OSBPL1A: variants seen among roughly 807,000 people sequenced by gnomAD.
OSBPL1A encodes the protein oxysterol-binding protein-related protein 1.
In OSBPL1A, 80 loss-of-function variants were observed where a neutral mutation model predicts 137.1. That is an observed-to-expected ratio of 0.58 (90% CI 0.49 to 0.70). The LOEUF is 0.70. Ranked by LOEUF, OSBPL1A falls within the 30% of genes least tolerant of loss-of-function variation. The pLI, the probability that OSBPL1A is intolerant of heterozygous loss-of-function variation, is 0.00. For synonymous variants in OSBPL1A, 365 were observed against 389.7 expected, an observed-to-expected ratio of 0.94 and a Z score of 0.75; for missense variants, 970 against 1,129.4, an observed-to-expected ratio of 0.86 and a Z score of 2.02.
Position 24,346,242 on chromosome 18 carries a change from A to C in OSBPL1A, c.283-4584T>G, listed in dbSNP as rs142485111. Among the ~76,000 whole-genome samples the C allele has an allele frequency of 1.0e-3, 157 of 152,204 alleles. 1 individual carries two copies. In the East Asian group the frequency reaches 0.019, roughly 18 times the overall value. Reference sequence around the variant, plus strand: ...CATTATATTGCTGTCACCATCACACAAGTCATCTCAGATGAAATGCTTAGA... The same window carrying C: ...CATTATATTGCTGTCACCATCACACCAGTCATCTCAGATGAAATGCTTAGA... On this transcript the variant is annotated intron_variant, in intron 4 of 27. Transcript: ENST00000319481.
At chr18:24,293,675 G>A (rs529501308) in intron 14 of OSBPL1A, among the ~76,000 whole-genome samples, 3 of 152,312 alleles carry the variant, frequency 2.0e-5, no homozygotes, top group Admixed American at 2.0e-4. Flanking sequence ...GCAGGCGTAG[G>A]CCAGGCCAAT....
chr18:24,245,097 AT>A (rs879776193), intron 15 of OSBPL1A, among the ~76,000 whole-genome samples: 188 of 147,900 alleles, frequency 1.3e-3, no homozygotes, highest in African/African-American at 3.8e-3. Context: ...AAATATTAGA[AT>A]TTTTTTTTTT....
At chr18:24,347,454 G>A (rs1019280558) in intron 4 of OSBPL1A, among the ~76,000 whole-genome samples, 20 of 152,136 alleles carry the variant, frequency 1.3e-4, no homozygotes, top group Admixed American at 1.2e-3. Context: ...CAAAGTGCTG[G>A]AACTACAGGC....
At chr18:24,208,632 A>C (rs2087440013) in intron 17 of OSBPL1A, among the ~76,000 whole-genome samples, 1 of 152,242 alleles carries the variant, frequency 6.6e-6, no homozygotes, top group Non-Finnish European at 1.5e-5. Flanking sequence ...TACTTAATTA[A>C]ACTCTTATTA....
rs2931558 is a variant in OSBPL1A, at chr18:24,253,547, G to A, written c.1282-14165C>T. Among the ~76,000 whole-genome samples, 658 of 152,298 alleles carry A rather than the reference G, an allele frequency of 4.3e-3. 5 individuals carry two copies. Among genetic ancestry groups the A allele is most frequent in the African/African-American group, 0.015 (609 of 41,554 alleles). On this transcript the variant is annotated intron_variant, in intron 15 of 27. Coordinates refer to ENST00000319481, the MANE Select transcript of OSBPL1A (RefSeq NM_080597.4). ...ACAGAGCTGGCTGTGTGGGAGACCA[G>A]AGTTTTATTATTACTCAAATCAGTC...
rs377506214 is a variant in OSBPL1A, at chr18:24,242,921, TAAAAAAA to T, written c.1282-3546_1282-3540del. Among the ~76,000 whole-genome samples, 1,076 of 152,250 alleles carry T rather than the reference TAAAAAAA, an allele frequency of 7.1e-3. 8 individuals carry two copies. Among genetic ancestry groups the T allele is most frequent in the African/African-American group, 0.024 (981 of 41,548 alleles). On this transcript the variant is annotated intron_variant, in intron 15 of 27. Coordinates refer to ENST00000319481, the MANE Select transcript of OSBPL1A (RefSeq NM_080597.4). ...AAGCATACTAAGGCTAGAGTCAACT[TAAAAAAA>T]TAAATAAAAAGCTGTCCTACTTCCA...
In OSBPL1A at chr18:24,181,014, G is replaced by A. The variant is rs1379169250; in HGVS notation, c.1812+131C>T. 11 of 1,092,460 alleles carry A rather than the reference G, an allele frequency of 1.0e-5. No individual in the cohort carries two copies. The Admixed American group carries it at 2.6e-4, about 25-fold the overall frequency. 67.7% of individuals were successfully genotyped at this position (1,092,460 alleles called of 1,614,324 possible). A position where few individuals can be genotyped will look rare whatever the true frequency, so the allele number is the denominator to read the frequency against. ...TAACCAGAGGACAGTCCAGACATGC[G>A]GACTGAGCTTTGATAAAATTGCCCA... is the stretch of plus-strand genomic sequence containing the variant. On this transcript the variant is annotated intron_variant, in intron 19 of 27. Transcript: ENST00000319481.
chr18:24,308,691 C>T (rs774383274), intron 13 of OSBPL1A, among the ~76,000 whole-genome samples: 78 of 152,130 alleles, frequency 5.1e-4, no homozygotes, highest in African/African-American at 1.7e-3. Context: ...CTTCGCTGTC[C>T]GTTGTGGTAG....
chr18:24,388,359 T>G (rs1188754874), intron 1 of OSBPL1A, among the ~76,000 whole-genome samples: 1 of 152,144 alleles, frequency 6.6e-6, no homozygotes, highest in Non-Finnish European at 1.5e-5. Context: ...GATGGGCGGA[T>G]GGATGAGGAC....
chr18:24,248,609 A>C (rs1378153039), intron 15 of OSBPL1A, among the ~76,000 whole-genome samples: 1 of 152,230 alleles, frequency 6.6e-6, no homozygotes, highest in African/African-American at 2.4e-5. Context: ...GCCTCAATGA[A>C]GCTTGTTCAA....
chr18:24,185,796 G>T (rs1249545279), intron 18 of OSBPL1A, among the ~76,000 whole-genome samples: 1 of 152,180 alleles, frequency 6.6e-6, no homozygotes, highest in Non-Finnish European at 1.5e-5. Flanking sequence ...ATTAGGCCAA[G>T]CATGGTGGCT....
intron 13 of OSBPL1A, among the ~76,000 whole-genome samples, chr18:24,306,434 AT>A (rs1381197796): frequency 6.6e-6 from 1 of 152,196 alleles, no homozygotes; most frequent in African/African-American, 2.4e-5. Context: ...GAAAATCCAC[AT>A]TTGGTTAATT....
intron 14 of OSBPL1A, among the ~76,000 whole-genome samples, chr18:24,282,088 A>C (rs1213597965): frequency 1.3e-5 from 2 of 149,344 alleles, no homozygotes; most frequent in Admixed American, 6.7e-5. Context: ...TCCCAACCCT[A>C]CCCCCGAGTC....
intron 15 of OSBPL1A, among the ~76,000 whole-genome samples, chr18:24,254,337 A>G (rs1027881254): frequency 2.6e-5 from 4 of 152,250 alleles, no homozygotes; most frequent in Non-Finnish European, 4.4e-5. Context: ...TCTGCACTAT[A>G]GAACAAACAG....
At chr18:24,168,310 C>T (rs1018822852) in intron 24 of OSBPL1A, among the ~76,000 whole-genome samples, 3 of 152,066 alleles carry the variant, frequency 2.0e-5, no homozygotes, top group Non-Finnish European at 4.4e-5. Context: ...ACCTGACTTT[C>T]GTGGAGCTCA....
chr18:24,391,395 T>G lies in OSBPL1A; in HGVS notation c.-3+6260A>C, dbSNP rs369613208. Among the ~76,000 whole-genome samples the G allele has an allele frequency of 7.9e-5, 12 of 152,174 alleles. No individual in the cohort carries two copies. The East Asian group carries it at 2.1e-3, about 27-fold the overall frequency. ...GGTGATAGCTGTACTACAATGTGAA[T>G]GTATGCAATGCCACTGAATAATACA... On this transcript the variant is annotated intron_variant, in intron 1 of 27. Transcript: ENST00000319481.
intron 15 of OSBPL1A, among the ~76,000 whole-genome samples, chr18:24,248,184 A>G (rs2088960831): frequency 6.6e-6 from 1 of 152,230 alleles, no homozygotes; most frequent in Non-Finnish European, 1.5e-5. Context: ...TGCTTCTGCT[A>G]TCTCAGAGCA....
intron 14 of OSBPL1A, among the ~76,000 whole-genome samples, chr18:24,281,419 A>G (rs2089955043): frequency 1.6e-5 from 2 of 126,420 alleles, no homozygotes; most frequent in Admixed American, 1.7e-4. Context: ...ACACAGTCTC[A>G]CTCTGTGGCC....
intron 16 of OSBPL1A, among the ~76,000 whole-genome samples, chr18:24,238,819 C>T (rs181423270): frequency 3.9e-5 from 6 of 152,304 alleles, no homozygotes; most frequent in African/African-American, 4.8e-5. Context: ...CAAGCACTTG[C>T]GCTTCGTTAC....
Sources: gnomAD v4.1 joint callset for allele counts (sites outside exome capture counted in the v4.1 genomes callset) on GRCh38, gnomAD v4.1.1 for gene constraint, MANE v1.5 for transcripts, NCBI Gene and HGNC (gene_info 2026-07-23, HGNC 2026-07-21) for gene names.